ARSL: variants seen among roughly 807,000 people sequenced by gnomAD.
ARSL encodes arylsulfatase E (chondrodysplasia punctata 1).
Under a neutral mutation model 31.1 loss-of-function variants are expected in ARSL, and 4 were observed. The ratio of observed to expected loss-of-function variants is 0.13; its 90% CI spans 0.06 to 0.29. ARSL has a LOEUF of 0.29. ARSL is among the 10% of genes least tolerant of loss of function. The pLI, the probability that ARSL is intolerant of heterozygous loss-of-function variation, is 1.00. For missense variants in ARSL, 312 were observed against 497.8 expected (o/e 0.63, Z 3.55); for synonymous variants, 198 against 209.9 (o/e 0.94, Z 0.49).
At chrX:2,939,234 G>A (rs1158177395) in intron 8 of ARSL, among the ~76,000 whole-genome samples, 3 of 108,294 alleles carry the variant, frequency 2.8e-5, no homozygotes, top group East Asian at 3.0e-4. Flanking sequence ...ACATAGAGAC[G>A]GAGGCAGAGA....
intron 3 of ARSL, among the ~76,000 whole-genome samples, chrX:2,957,316 C>G (rs1445318781): frequency 9.0e-6 from 1 of 110,590 alleles, no homozygotes; most frequent in Non-Finnish European, 1.9e-5. Flanking sequence ...GATCCTCCTG[C>G]CTCAGCCTCC....
chrX:2,968,050 T>C, upstream of ARSL: 1 of 998,894 alleles, frequency 1.0e-6, no homozygotes, highest in Non-Finnish European at 1.4e-6. Flanking sequence ...CAGGGACTTG[T>C]TTGAAAAGAC....
chrX:2,968,114 G>A, upstream of ARSL: 1 of 1,154,748 alleles, frequency 8.7e-7, no homozygotes, highest in Non-Finnish European at 1.1e-6. Context: ...TGCAAAAGCC[G>A]GCCTGTAAGA....
upstream of ARSL, among the ~76,000 whole-genome samples, chrX:2,965,059 C>A (rs990544339): frequency 3.6e-5 from 4 of 109,827 alleles, no homozygotes; most frequent in African/African-American, 1.3e-4. Context: ...TTCACTCCAG[C>A]CTGAGTGACA....
At chrX:2,935,302 G>A in intron 10 of ARSL, 112 bp from the exon 11 acceptor site, 7 of 680,050 alleles carry the variant, frequency 1.0e-5, no homozygotes, top group East Asian at 9.8e-5. Context: ...TCCATCGATG[G>A]ATGGACAGAT....
Position 2,949,433 on chromosome X carries a change from T to C in ARSL, c.725A>G (p.Tyr242Cys), listed in dbSNP as rs2089431019. 3 of 1,210,556 alleles carry C rather than the reference T, an allele frequency of 2.5e-6. No homozygotes were observed. The highest frequency in any genetic ancestry group is 1.1e-6 in the Non-Finnish European group (1 of 895,249). Reference sequence around the variant, plus strand: ...ATGGACAATCAGAGCACCCACAAAATAGGAGCTTGCGAGGAGGAGGACGGC... The same window carrying C: ...ATGGACAATCAGAGCACCCACAAAACAGGAGCTTGCGAGGAGGAGGACGGC... ...LSAVLLLASS[Y>C]FVGALIVHAD... Residue 242 changes from tyrosine to cysteine, a missense_variant, in exon 6 of 11, where the codon TAT becomes TGT. Transcript: ENST00000381134.
chrX:2,957,586 G>A (rs1277245506), intron 3 of ARSL, among the ~76,000 whole-genome samples: 1 of 109,004 alleles, frequency 9.2e-6, no homozygotes, highest in African/African-American at 3.4e-5. Flanking sequence ...GCGGGCGCCT[G>A]TAATCCCAGC....
Position 2,943,141 on chromosome X carries a change from A to G in ARSL, c.1050T>C (p.Phe350=), listed in dbSNP as rs1432604504. 41 of 1,209,322 alleles carry G rather than the reference A, an allele frequency of 3.4e-5. No homozygotes were observed. Among genetic ancestry groups the G allele is most frequent in the Non-Finnish European group, 4.2e-5 (38 of 895,088 alleles). ...EGLSNSTLIY[F]TSDHGGSLEN... ...CTAGGGAACCGCCGTGATCCGACGT[A>G]AAATAAATGAGGGTGCTGTTGCTCA... Residue 350 remains phenylalanine (F), a synonymous_variant, in exon 8 of 11, where the codon TTT becomes TTC. Coordinates refer to ENST00000381134, the MANE Select transcript of ARSL (RefSeq NM_000047.3).
At chrX:2,951,541 C>T (rs1603462161) in intron 5 of ARSL, among the ~76,000 whole-genome samples, 1 of 98,190 alleles carries the variant, frequency 1.0e-5, no homozygotes, top group East Asian at 3.2e-4. Context: ...TTTGGGAGGC[C>T]GAGGTGAGAG....
intron 1 of ARSL, 142 bp downstream of exon 1, chrX:2,964,082 C>T (rs952233915): frequency 1.1e-4 from 68 of 635,113 alleles, no homozygotes; most frequent in Middle Eastern, 9.2e-4. Context: ...CTGTAAGTCA[C>T]GGGTACGTTT....
At chrX:2,941,475 G>A (rs1347875744) in intron 8 of ARSL, among the ~76,000 whole-genome samples, 3 of 110,555 alleles carry the variant, frequency 2.7e-5, no homozygotes, top group East Asian at 5.7e-4. Context: ...GGCTGGTCTC[G>A]AACTCCTAAC....
At chrX:2,949,847 A>G (rs1323755344) in intron 5 of ARSL, 120 bp from the exon 6 acceptor site, 5 of 826,304 alleles carry the variant, frequency 6.1e-6, no homozygotes, top group Non-Finnish European at 8.8e-6. Flanking sequence ...GAGATTGCAA[A>G]GAAGTGTGGG....
chrX:2,943,384 T>G (rs2089308610), intron 7 of ARSL, among the ~76,000 whole-genome samples, 185 bp from the exon 8 acceptor site: 2 of 111,460 alleles, frequency 1.8e-5, no homozygotes, highest in Admixed American at 1.9e-4. Context: ...TGACTTTATA[T>G]GCACCCCATC....
chrX:2,941,519 C>T (rs1335137887), intron 8 of ARSL, among the ~76,000 whole-genome samples: 9 of 111,597 alleles, frequency 8.1e-5, no homozygotes, highest in African/African-American at 2.6e-4. Flanking sequence ...CCTCCCAAAG[C>T]GTTGGGATTA....
rs747510606 is a variant in ARSL, at chrX:2,935,021, T to C, written c.1581A>G (p.Thr527=). 1 of 1,210,790 alleles carries C rather than the reference T, an allele frequency of 8.3e-7. No homozygotes were observed. The highest frequency in any genetic ancestry group is 1.8e-5 in the South Asian group (1 of 56,872). The change falls in exon 11 of 11, where the codon ACA becomes ACG. Residue 527 remains threonine, a synonymous_variant. Coordinates refer to ENST00000381134, the MANE Select transcript of ARSL (RefSeq NM_000047.3). ...GATAGAACACGGGCTCTGAGGCTGG[T>C]GTGAGGATGTGGGTCTCAGAAGGGT... ...SRDPSETHIL[T]PASEPVFYQV...
At chrX:2,946,399 C>T (rs1442777442) in intron 6 of ARSL, among the ~76,000 whole-genome samples, 8 of 96,587 alleles carry the variant, frequency 8.3e-5, no homozygotes, top group Non-Finnish European at 1.6e-4. Flanking sequence ...AGTGCAGTGA[C>T]ATGATCTCAG....
At chrX:2,937,660 G>A (rs1346381458) in intron 9 of ARSL, among the ~76,000 whole-genome samples, 2 of 110,804 alleles carry the variant, frequency 1.8e-5, no homozygotes, top group Admixed American at 9.6e-5. Context: ...GACAAGATAA[G>A]GGTAATCACC....
At chrX:2,956,275 A>G (rs779426641) in intron 3 of ARSL, among the ~76,000 whole-genome samples, 1 of 111,619 alleles carries the variant, frequency 9.0e-6, no homozygotes, top group Non-Finnish European at 1.9e-5. Context: ...TGACAGATGG[A>G]CACGCCATAT....
intron 1 of ARSL, among the ~76,000 whole-genome samples, chrX:2,960,948 G>A (rs1365780678): frequency 1.8e-5 from 2 of 111,258 alleles, no homozygotes. Context: ...GCTGCGCGTG[G>A]TGGCTCATGC....
Sources: gnomAD v4.1 joint callset for allele counts (sites outside exome capture counted in the v4.1 genomes callset) on GRCh38, gnomAD v4.1.1 for gene constraint, MANE v1.5 for transcripts, NCBI Gene and HGNC (gene_info 2026-07-23, HGNC 2026-07-21) for gene names.